ADAM23: variants seen among roughly 807,000 people sequenced by gnomAD.
ADAM23 encodes ADAM metallopeptidase domain 23.
A neutral mutation model predicts 120.1 loss-of-function variants in ADAM23; 33 were observed. That is an observed-to-expected ratio of 0.27 (90% CI 0.21 to 0.37). The LOEUF is 0.37. Ranked by LOEUF, ADAM23 falls within the 10% of genes least tolerant of loss-of-function variation. The pLI, the probability that ADAM23 is intolerant of heterozygous loss-of-function variation, is 1.00. For missense variants in ADAM23, 862 were observed against 1,058.2 expected, an observed-to-expected ratio of 0.81 and a Z score of 2.57; for synonymous variants, 367 against 375.2, an observed-to-expected ratio of 0.98 and a Z score of 0.25.
At chr2:206,541,091 A>G (rs1458642525) in intron 4 of ADAM23, among the ~76,000 whole-genome samples, 1 of 151,476 alleles carries the variant, frequency 6.6e-6, no homozygotes, top group African/African-American at 2.4e-5. Context: ...TCTTGAACCC[A>G]GGAGGCGGAG....
At chr2:206,503,420 C>G (rs1478664063) in intron 3 of ADAM23, among the ~76,000 whole-genome samples, 1 of 152,110 alleles carries the variant, frequency 6.6e-6, no homozygotes, top group Non-Finnish European at 1.5e-5. Flanking sequence ...GCTCCTAAAA[C>G]TAGGCCTGAC....
chr2:206,494,307 T>C (rs1204652875), intron 3 of ADAM23, among the ~76,000 whole-genome samples: 1 of 152,208 alleles, frequency 6.6e-6, no homozygotes, highest in Admixed American at 6.5e-5. Flanking sequence ...CCCTTATTAC[T>C]GTTCATATTT....
chr2:206,506,813 G>A (rs1187392601), intron 3 of ADAM23, among the ~76,000 whole-genome samples: 3 of 152,156 alleles, frequency 2.0e-5, no homozygotes, highest in Admixed American at 1.3e-4. Context: ...CAGGTGTGTA[G>A]TCATGTCCCT....
intron 3 of ADAM23, among the ~76,000 whole-genome samples, chr2:206,504,890 A>G (rs1696464633): frequency 6.6e-6 from 1 of 152,236 alleles, no homozygotes; most frequent in Admixed American, 6.5e-5. Context: ...ATGTGGAATT[A>G]TTAAATGTAC....
Position 206,543,319 on chromosome 2 carries a change from G to A in ADAM23, c.720+3G>A, listed in dbSNP as rs1341739032. ...CACTAGAGCTGGTTCATGATGAGGT[G>A]AGTCTATGCCATCAGTTGCCTGATG... On this transcript the variant is annotated splice_donor_region_variant and intron_variant, in intron 6 of 25. Coordinates refer to ENST00000264377, the MANE Select transcript of ADAM23 (RefSeq NM_003812.4). The A allele has an allele frequency of 6.2e-7, 1 of 1,613,300 alleles. No homozygotes were observed. Among genetic ancestry groups the A allele is most frequent in the African/African-American group, 1.3e-5 (1 of 74,912 alleles).
intron 3 of ADAM23, among the ~76,000 whole-genome samples, chr2:206,487,495 G>A (rs763170999): frequency 2.4e-4 from 37 of 152,170 alleles, no homozygotes; most frequent in Non-Finnish European, 3.8e-4. Context: ...AAGCATGCTC[G>A]CGAGACACTT....
At chr2:206,571,200 G>T (rs537950241) in intron 16 of ADAM23, among the ~76,000 whole-genome samples, 61 of 152,334 alleles carry the variant, frequency 4.0e-4, no homozygotes, top group Admixed American at 1.4e-3. Context: ...TCTCGGCCGG[G>T]CGCGGTGGCT....
intron 2 of ADAM23, among the ~76,000 whole-genome samples, chr2:206,477,880 T>TAAAAAAAA (rs71034456): frequency 1.8e-5 from 2 of 109,208 alleles, no homozygotes; most frequent in Non-Finnish European, 3.5e-5. Flanking sequence ...AATATTCTGT[T>TAAAAAAAA]AAAAAAAAAA....
At chr2:206,478,364 T>C (rs1695826472) in intron 2 of ADAM23, among the ~76,000 whole-genome samples, 1 of 152,138 alleles carries the variant, frequency 6.6e-6, no homozygotes, top group African/African-American at 2.4e-5. Context: ...CCTCTTAGAA[T>C]TAAAATATTA....
intron 6 of ADAM23, among the ~76,000 whole-genome samples, chr2:206,546,432 ATCTC>A (rs917741770): frequency 6.6e-6 from 1 of 152,214 alleles, no homozygotes; most frequent in African/African-American, 2.4e-5. Context: ...AATTCATGTT[ATCTC>A]TCAAGTAATA....
intron 25 of ADAM23, among the ~76,000 whole-genome samples, chr2:206,613,956 A>G (rs991812032): frequency 1.3e-5 from 2 of 152,168 alleles, no homozygotes; most frequent in Admixed American, 6.5e-5. Context: ...TAATAGTGAC[A>G]TGGTTTGTTG....
rs1408177993 is a variant in ADAM23, at chr2:206,553,196, G to A, written c.933+3036G>A. 4.6e-5 allele frequency among the ~76,000 whole-genome samples: 7 copies of A among 152,150 alleles called. No homozygotes were observed. In the East Asian group the frequency reaches 1.2e-3, roughly 25 times the overall value. On this transcript the variant is annotated intron_variant, in intron 9 of 25. Coordinates refer to ENST00000264377, the MANE Select transcript of ADAM23 (RefSeq NM_003812.4). ...AGTTCGAGACCAGCCTGGCCAACAT[G>A]GTGAAACCCCATTTCTACTAAAATA...
rs556553657 is a variant in ADAM23 at position 206,599,914 on chromosome 2, T to C, written c.2359+3752T>C. Among the ~76,000 whole-genome samples, 270 of 152,308 alleles carry C rather than the reference T, an allele frequency of 1.8e-3. 1 individual carries two copies. Among genetic ancestry groups the C allele is most frequent in the African/African-American group, 6.3e-3 (263 of 41,554 alleles). The stretch of plus-strand genomic sequence containing the variant: ...ACTAAGATTTTTCTCAAAAAATGCA[T>C]GTTGTGGCCGGGCACGGTGGCTCAC... On this transcript the variant is annotated intron_variant, in intron 24 of 25. Coordinates refer to ENST00000264377, the MANE Select transcript of ADAM23 (RefSeq NM_003812.4).
intron 2 of ADAM23, among the ~76,000 whole-genome samples, chr2:206,477,314 G>T (rs147516943): frequency 6.6e-6 from 1 of 152,302 alleles, no homozygotes; most frequent in African/African-American, 2.4e-5. Flanking sequence ...GGAGGTTTGT[G>T]TATATAATTG....
At chr2:206,550,337 C>T (rs967190232) in intron 9 of ADAM23, among the ~76,000 whole-genome samples, 177 bp downstream of exon 9, 5 of 152,070 alleles carry the variant, frequency 3.3e-5, no homozygotes, top group African/African-American at 4.8e-5. Flanking sequence ...ATTTTCACAA[C>T]TCTAAACTTT....
chr2:206,569,609 G>A (rs1697956281), intron 15 of ADAM23, among the ~76,000 whole-genome samples: 1 of 152,156 alleles, frequency 6.6e-6, no homozygotes, highest in Non-Finnish European at 1.5e-5. Context: ...GTCCTAAGAA[G>A]GAAAGAAGGG....
At chr2:206,451,605 G>A (rs1163954703) in intron 2 of ADAM23, among the ~76,000 whole-genome samples, 3 of 152,162 alleles carry the variant, frequency 2.0e-5, no homozygotes, top group African/African-American at 4.8e-5. Context: ...CAGTGACATA[G>A]GCATTTATAG....
intron 3 of ADAM23, among the ~76,000 whole-genome samples, chr2:206,530,621 GAA>G (rs5838028): frequency 1.2e-3 from 121 of 98,550 alleles, no homozygotes; most frequent in African/African-American, 1.5e-3. Context: ...GTCTCAAAAA[GAA>G]AAAAAAAAAA....
chr2:206,450,103 A>G (rs1275749636), intron 2 of ADAM23, among the ~76,000 whole-genome samples: 4 of 152,202 alleles, frequency 2.6e-5, no homozygotes, highest in African/African-American at 9.6e-5. Context: ...GACAACAGAA[A>G]GAGGAACATA....
Sources: allele counts gnomAD v4.1 joint callset (sites outside exome capture counted in the v4.1 genomes callset), GRCh38; gene constraint gnomAD v4.1.1; transcripts MANE v1.5; gene names NCBI Gene and HGNC (gene_info 2026-07-23, HGNC 2026-07-21).